FSTL4: variants seen among roughly 807,000 people sequenced by gnomAD.
The protein encoded by FSTL4 is follistatin-related protein 4.
A neutral mutation model predicts 78.2 loss-of-function variants in FSTL4; 28 were observed. That is an observed-to-expected ratio of 0.36 (90% CI 0.27 to 0.49). FSTL4 has a LOEUF of 0.49. Ranked by LOEUF, FSTL4 falls within the 20% of genes least tolerant of loss-of-function variation. FSTL4 has a pLI of 0.98. For missense variants in FSTL4, 922 were observed against 1,084.9 expected (o/e 0.85, Z 2.11); for synonymous variants, 422 against 440.5 (o/e 0.96, Z 0.53).
chr5:133,831,329 AG>A, the FSTL4 span, among the ~76,000 whole-genome samples: 1 of 152,190 alleles, frequency 6.6e-6, no homozygotes, highest in Non-Finnish European at 1.5e-5. Context: ...AAGAAGGACA[AG>A]GGCCCTACAT....
At chr5:133,649,468 G>A in the FSTL4 span, among the ~76,000 whole-genome samples, 5 of 152,168 alleles carry the variant, frequency 3.3e-5, no homozygotes, top group Non-Finnish European at 7.3e-5. Context: ...TGCCAAAGTG[G>A]CTGTACCATT....
At chr5:133,460,375 T>G (rs898432420) in intron 3 of FSTL4, among the ~76,000 whole-genome samples, 11 of 152,272 alleles carry the variant, frequency 7.2e-5, no homozygotes, top group Admixed American at 3.9e-4. Context: ...CTGTCCGCCA[T>G]CTGATTTTGG....
chr5:133,577,981 G>A (rs1580800908), intron 2 of FSTL4, among the ~76,000 whole-genome samples: 1 of 152,166 alleles, frequency 6.6e-6, no homozygotes, highest in Non-Finnish European at 1.5e-5. Flanking sequence ...AAGCAAGCTC[G>A]ATGTCCCCTC....
Position 133,551,319 on chromosome 5 carries a change from G to A in FSTL4, c.160+15867C>T, listed in dbSNP as rs545181720. ...AAAGAAATAATGGGAACCCAATAAC[G>A]ACCAATTACAGAGGCAAGAGAAATA... On this transcript the variant is annotated intron_variant, in intron 3 of 15. Coordinates refer to ENST00000265342, the MANE Select transcript of FSTL4 (RefSeq NM_015082.2). 4.6e-5 allele frequency among the ~76,000 whole-genome samples: 7 copies of A among 152,210 alleles called. No individual in the cohort carries two copies. The South Asian group carries it at 6.2e-4, about 14-fold the overall frequency.
In FSTL4 at chr5:133,611,323, C is replaced by G. The variant is rs567521454; in HGVS notation, c.-11+1002G>C. 1.3e-5 allele frequency among the ~76,000 whole-genome samples: 2 copies of G among 152,192 alleles called. No homozygotes were observed. The highest frequency in any genetic ancestry group is 2.9e-5 in the Non-Finnish European group (2 of 68,026). ...ACCCCACTGCCTCGGCGGCTTTCCG[C>G]TCCCGCAAGAGTTGCGGGCACAAAG... On this transcript the variant is annotated intron_variant, in intron 1 of 15. Coordinates refer to ENST00000265342, the MANE Select transcript of FSTL4 (RefSeq NM_015082.2). This position sits in a 1 kb window ranked among gnomAD's most constrained non-coding sequence, Gnocchi z 4.9.
chr5:133,824,593 G>GACT, the FSTL4 span, among the ~76,000 whole-genome samples: 1 of 152,192 alleles, frequency 6.6e-6, no homozygotes, highest in Non-Finnish European at 1.5e-5. Flanking sequence ...AAGAGGTGAT[G>GACT]CATGACTCAG....
At chr5:133,650,997 G>A in the FSTL4 span, among the ~76,000 whole-genome samples, 14,787 of 152,150 alleles carry the variant, frequency 0.097, 834 homozygotes, top group South Asian at 0.17. Context: ...TTTTTTGAGT[G>A]CTAATGTAAA....
At chr5:133,648,486 G>T in the FSTL4 span, among the ~76,000 whole-genome samples, 1 of 152,130 alleles carries the variant, frequency 6.6e-6, no homozygotes, top group Non-Finnish European at 1.5e-5. Flanking sequence ...CCCCATACCT[G>T]ACCCTCAGCA....
At chr5:133,696,503 C>T in the FSTL4 span, among the ~76,000 whole-genome samples, 4 of 152,240 alleles carry the variant, frequency 2.6e-5, no homozygotes, top group Non-Finnish European at 5.9e-5. Flanking sequence ...TTTATCTGGG[C>T]TCTCCTCTGG....
intron 4 of FSTL4, among the ~76,000 whole-genome samples, chr5:133,336,314 C>T (rs1754461698): frequency 6.6e-6 from 1 of 152,262 alleles, no homozygotes; most frequent in African/African-American, 2.4e-5. Flanking sequence ...CCCCACCCTG[C>T]CTTCCACTAC....
chr5:133,662,566 T>C, the FSTL4 span, among the ~76,000 whole-genome samples: 11 of 152,174 alleles, frequency 7.2e-5, no homozygotes, highest in African/African-American at 2.7e-4. Context: ...GTTTGACAAG[T>C]TTAATTACCC....
At chr5:133,444,756 C>T (rs1303373470) in intron 3 of FSTL4, among the ~76,000 whole-genome samples, 3 of 152,180 alleles carry the variant, frequency 2.0e-5, no homozygotes, top group Non-Finnish European at 2.9e-5. Flanking sequence ...TCCCCAGATA[C>T]GTGGTGCTTA....
intron 2 of FSTL4, among the ~76,000 whole-genome samples, chr5:133,569,932 G>A (rs115079727): frequency 0.014 from 2,072 of 152,152 alleles, 40 homozygotes; most frequent in African/African-American, 0.047. Flanking sequence ...GAAATTGCCC[G>A]GGCGCGGTGG....
the FSTL4 span, among the ~76,000 whole-genome samples, chr5:133,765,279 A>C: frequency 6.6e-6 from 1 of 152,250 alleles, no homozygotes; most frequent in Non-Finnish European, 1.5e-5. Flanking sequence ...TGCATCCAGG[A>C]AGAGTTTTTC....
At chr5:133,807,591 G>C in the FSTL4 span, among the ~76,000 whole-genome samples, 18 of 152,320 alleles carry the variant, frequency 1.2e-4, no homozygotes, top group East Asian at 3.5e-3. Context: ...TTGTGCCTCT[G>C]ATAGTCAGTG....
intron 1 of FSTL4, among the ~76,000 whole-genome samples, chr5:133,604,264 T>A (rs1760929502): frequency 6.6e-6 from 1 of 152,180 alleles, no homozygotes; most frequent in Non-Finnish European, 1.5e-5. Flanking sequence ...TGCTGTTACG[T>A]GGAAACCCAT....
At chr5:133,463,202 T>G (rs998170607) in intron 3 of FSTL4, among the ~76,000 whole-genome samples, 1 of 152,176 alleles carries the variant, frequency 6.6e-6, no homozygotes, top group African/African-American at 2.4e-5. Context: ...TGAACAAATT[T>G]TAGTCAGGCT....
intron 4 of FSTL4, among the ~76,000 whole-genome samples, chr5:133,394,574 C>G (rs139956853): frequency 0.012 from 1,792 of 152,372 alleles, 14 homozygotes; most frequent in Non-Finnish European, 0.019. Flanking sequence ...CTCGCCGGGC[C>G]TCAGCTGCCT....
the FSTL4 span, among the ~76,000 whole-genome samples, chr5:133,652,288 T>C: frequency 3.9e-5 from 6 of 152,252 alleles, no homozygotes; most frequent in Non-Finnish European, 7.4e-5. Context: ...TTCTTCTGAT[T>C]ACTTTGGATT....
Sources: gnomAD v4.1 joint callset for allele counts (sites outside exome capture counted in the v4.1 genomes callset) on GRCh38, gnomAD v4.1.1 for gene constraint, Gnocchi (gnomAD v3.1) non-coding constraint, MANE v1.5 for transcripts, NCBI Gene and HGNC (gene_info 2026-07-23, HGNC 2026-07-21) for gene names.